The following NLRP4 variants were observed in gnomAD, a reference collection of about 807,000 sequenced individuals.
NLRP4 encodes the protein NLR family pyrin domain containing 4.
NLRP4 carries 44 observed loss-of-function variants against 84.7 expected under a neutral mutation model. That is an observed-to-expected ratio of 0.52 (90% confidence interval 0.41 to 0.67). The LOEUF (loss-of-function observed/expected upper bound fraction) is 0.67, where lower values mean the gene tolerates loss of function less well. Among genes scored for constraint, NLRP4 ranks in the 30% least tolerant of loss-of-function variants. The probability of loss-of-function intolerance (pLI) is 0.00; values close to 1 mark genes in which losing one functional copy is unlikely to be tolerated. For missense variants in NLRP4, 1,260 were observed against 1,219.4 expected, an observed-to-expected ratio of 1.03 and a Z score of -0.50; for synonymous variants, 544 against 476.4, an observed-to-expected ratio of 1.14 and a Z score of -1.85.
At chr19:55,863,839 G>T (rs928007095) in intron 5 of NLRP4, among the ~76,000 whole-genome samples, 2 of 152,030 alleles carry the variant, frequency 1.3e-5, no homozygotes, top group African/African-American at 4.8e-5. Context: ...TTTAATTCAA[G>T]CATTTTTATT....
Position 55,870,912 on chromosome 19 carries a change from C to G in NLRP4, c.2440C>G (p.Leu814Val), listed in dbSNP as rs1187725786. The change falls in exon 7 of 10, where the codon CTC becomes GTC. Residue 814 changes from leucine to valine, a missense_variant. Around this residue, in one of 3 missense-constraint regions of NLRP4, gnomAD observed 544 missense variants for 531.7 expected, o/e 1.02. Coordinates refer to ENST00000301295, the MANE Select transcript of NLRP4 (RefSeq NM_134444.5). ...LRNKSVRYLD[L>V]SANVLKDEGL... ...TAACAAGAGCGTGCGCTATCTAGAC[C>G]TCAGTGCCAATGTCCTGAAGGACGA... 2 of 1,613,886 alleles carry G rather than the reference C, an allele frequency of 1.2e-6. No individual in the cohort carries two copies. The highest frequency in any genetic ancestry group is 1.7e-5 in the Admixed American group (1 of 60,026).
chr19:55,840,322 G>A (rs1445826496), intron 1 of NLRP4, among the ~76,000 whole-genome samples: 1 of 150,840 alleles, frequency 6.6e-6, no homozygotes, highest in Non-Finnish European at 1.5e-5. Context: ...GGGTGTGTGT[G>A]TATAGACATA....
At chr19:55,857,558 C>T (rs1328815019) in intron 2 of NLRP4, 116 bp from the exon 3 acceptor site, 3 of 883,452 alleles carry the variant, frequency 3.4e-6, no homozygotes, top group East Asian at 2.5e-5. Flanking sequence ...CCAGGTTTGG[C>T]CTGGGGGCCA....
intron 5 of NLRP4, among the ~76,000 whole-genome samples, chr19:55,863,820 T>G (rs569809279): frequency 1.3e-5 from 2 of 152,274 alleles, no homozygotes; most frequent in African/African-American, 2.4e-5. Flanking sequence ...TACTTTCCAG[T>G]ATGTATGTTT....
At chr19:55,852,476 GTTTTTTT>G (rs11301833) in intron 2 of NLRP4, 116 bp downstream of exon 2, 4 of 444,638 alleles carry the variant, frequency 9.0e-6, no homozygotes, top group African/African-American at 5.3e-5. Context: ...AAAATATTAG[GTTTTTTT>G]TTTTTTTTTT....
intron 1 of NLRP4, among the ~76,000 whole-genome samples, chr19:55,846,145 C>A (rs534977447): frequency 2.6e-4 from 40 of 152,182 alleles, no homozygotes; most frequent in African/African-American, 6.7e-4. Flanking sequence ...TAGGGTTTTT[C>A]TGGTTTTAGG....
At chr19:55,840,361 T>C (rs552076079) in intron 1 of NLRP4, among the ~76,000 whole-genome samples, 10 of 151,140 alleles carry the variant, frequency 6.6e-5, no homozygotes, top group African/African-American at 2.4e-4. Flanking sequence ...TGTGTGTGTG[T>C]GTGTGTGTGT....
chr19:55,857,916 A>G lies in NLRP4; in HGVS notation c.523A>G (p.Asn175Asp). The change falls in exon 3 of 10, where the codon AAC becomes GAC. Residue 175 changes from asparagine to aspartate, a missense_variant. This residue lies in a region of NLRP4 where 712 missense variants were observed against 669.2 expected (regional missense o/e 1.06). Coordinates refer to ENST00000301295, the MANE Select transcript of NLRP4 (RefSeq NM_134444.5). Reference protein sequence around the residue: ...LMKLMMAWSDNKIFRDRFLYT... With the variant: ...LMKLMMAWSDDKIFRDRFLYT... ...GAAGCTGATGATGGCCTGGTCGGAC[A>G]ACAAGATCTTTCGGGATAGGTTCCT... The G allele has an allele frequency of 1.9e-6, 3 of 1,614,218 alleles. No individual in the cohort carries two copies. The highest frequency in any genetic ancestry group is 2.5e-6 in the Non-Finnish European group (3 of 1,180,028).
At chr19:55,837,543 A>G (rs1983396498) in intron 1 of NLRP4, among the ~76,000 whole-genome samples, 1 of 151,928 alleles carries the variant, frequency 6.6e-6, no homozygotes, top group African/African-American at 2.4e-5. Context: ...AAGAATATTT[A>G]TCTTTCTATA....
intron 5 of NLRP4, among the ~76,000 whole-genome samples, chr19:55,864,402 C>A (rs1186617203): frequency 6.6e-6 from 1 of 152,222 alleles, no homozygotes; most frequent in African/African-American, 2.4e-5. Flanking sequence ...ATCAGTACTT[C>A]ATTCCTTTTC....
intron 1 of NLRP4, 50 bp from the exon 2 acceptor site, chr19:55,851,966 C>T: frequency 2.6e-6 from 2 of 781,916 alleles, no homozygotes; most frequent in East Asian, 2.5e-5. Flanking sequence ...TAATGGTAAT[C>T]TTGATCCATT....
chr19:55,853,033 C>T (rs1984231816), intron 2 of NLRP4, among the ~76,000 whole-genome samples: 1 of 152,178 alleles, frequency 6.6e-6, no homozygotes. Flanking sequence ...CTGAGGTTGA[C>T]TGGTGTAATC....
chr19:55,875,250 G>A (rs141810046), intron 7 of NLRP4, among the ~76,000 whole-genome samples: 1,554 of 152,256 alleles, frequency 0.01, 35 homozygotes, highest in African/African-American at 0.035. Flanking sequence ...TTCAAGGTAA[G>A]AAAAACACTA....
In NLRP4 at chr19:55,881,770, A is replaced by C. The variant is rs897330982; in HGVS notation, c.*183A>C. 2.4e-6 allele frequency: 1 copy of C among 422,066 alleles called. No individual in the cohort carries two copies. The highest frequency in any genetic ancestry group is 4.2e-6 in the Non-Finnish European group (1 of 237,410). 26.1% of individuals were successfully genotyped at this position (422,066 alleles called of 1,614,324 possible). A position where few individuals can be genotyped will look rare whatever the true frequency, so the allele number is the denominator to read the frequency against. On this transcript the variant is annotated 3_prime_UTR_variant, in exon 10 of 10. Transcript: ENST00000301295. ...TTTATGTGCTCTGTGGCCTTGGATG[A>C]GTCACTGAAAGGCCTTCATGGTCTC...
Position 55,870,894 on chromosome 19 carries a change from A to C in NLRP4, c.2422A>C (p.Ser808Arg). The stretch of plus-strand genomic sequence containing the variant: ...CTCTGAAATGCTTCTGCGTAACAAG[A>C]GCGTGCGCTATCTAGACCTCAGTGC... Reference protein sequence around the residue: ...YISEMLLRNKSVRYLDLSANV... With the variant: ...YISEMLLRNKRVRYLDLSANV... Residue 808 changes from serine to arginine, a missense_variant, in exon 7 of 10, where the codon AGC becomes CGC. Coordinates refer to ENST00000301295, the MANE Select transcript of NLRP4 (RefSeq NM_134444.5). The C allele has an allele frequency of 6.2e-7, 1 of 1,614,084 alleles. No homozygotes were observed.
Position 55,851,551 on chromosome 19 carries a change from CGTGGCTGCGGTGTA to C in NLRP4, c.-65-464_-65-451del. Among the ~76,000 whole-genome samples the C allele has an allele frequency of 5.9e-5, 5 of 84,278 alleles. 1 individual carries two copies. Among genetic ancestry groups the C allele is most frequent in the Admixed American group, 1.0e-4 (1 of 9,574 alleles). 55.3% of individuals were successfully genotyped at this position (84,278 alleles called of 152,430 possible). On this transcript the variant is annotated intron_variant, in intron 1 of 9. Coordinates refer to ENST00000301295, the MANE Select transcript of NLRP4 (RefSeq NM_134444.5). The stretch of plus-strand genomic sequence containing the variant: ...TTTACCGAGGCTGCGGTGTAATGTC[CGTGGCTGCGGTGTA>C]ATGTCCGAGGCTGCGGTGTAATGTC...
rs1330463192 is a variant in NLRP4 at position 55,861,517 on chromosome 19, G to A, written c.1988G>A (p.Arg663Lys). 1 of 1,614,120 alleles carries A rather than the reference G, an allele frequency of 6.2e-7. No homozygotes were observed. Among genetic ancestry groups the A allele is most frequent in the Non-Finnish European group, 8.5e-7 (1 of 1,180,016 alleles). Residue 663 changes from arginine (R) to lysine (K), a missense_variant, in exon 4 of 10, where the codon AGG becomes AAG. By Grantham distance (26) the Arg-to-Lys change is conservative. Around this residue, in one of 3 missense-constraint regions of NLRP4, gnomAD observed 544 missense variants for 531.7 expected, o/e 1.02. Coordinates refer to ENST00000301295, the MANE Select transcript of NLRP4 (RefSeq NM_134444.5). ...STFVTWCNQL[R>K]HPSCRLQKLG... ...TTTGTGACCTGGTGTAACCAGCTGA[G>A]GCATCCCAGCTGTCGCCTTCAGAAG...
chr19:55,858,296 A>T lies in NLRP4; in HGVS notation c.903A>T (p.Gly301=). The T allele has an allele frequency of 6.2e-7, 1 of 1,614,158 alleles. No homozygotes were observed. The highest frequency in any genetic ancestry group is 8.5e-7 in the Non-Finnish European group (1 of 1,180,032). The change falls in exon 3 of 10, where the codon GGA becomes GGT. Residue 301 remains glycine (G), a synonymous_variant. Transcript: ENST00000301295. This position sits in a 1 kb window ranked among gnomAD's most constrained non-coding sequence, Gnocchi z 4.2. ...VTISEIYQPR[G]FNESDRLVYF... is the part of the protein sequence containing the mutation. The stretch of plus-strand genomic sequence containing the variant: ...TCTCAGAAATCTACCAGCCCCGGGG[A>T]TTCAACGAGAGTGATAGGTTAGTGT...
chr19:55,853,761 T>TTCTC (rs532484414), intron 2 of NLRP4, among the ~76,000 whole-genome samples: 23 of 130,398 alleles, frequency 1.8e-4, no homozygotes, highest in Non-Finnish European at 2.6e-4. Flanking sequence ...CTCTTTCTCT[T>TTCTC]TCTCTCTCTC....
Sources: gnomAD v4.1 joint callset for allele counts (sites outside exome capture counted in the v4.1 genomes callset) on GRCh38, gnomAD v4.1.1 for gene constraint, gnomAD v4.1.1 regional missense constraint, Gnocchi (gnomAD v3.1) non-coding constraint, MANE v1.5 for transcripts, NCBI Gene and HGNC (gene_info 2026-07-23, HGNC 2026-07-21) for gene names.